OGG1: variants seen among roughly 807,000 people sequenced by gnomAD.
OGG1 encodes 8-oxoguanine DNA glycosylase.
In OGG1, 35 loss-of-function variants were observed where a neutral mutation model predicts 42.3. That is an observed-to-expected ratio of 0.83 (90% CI 0.63 to 1.10). The LOEUF (loss-of-function observed/expected upper bound fraction) is 1.10. OGG1 is among the 50% of genes least tolerant of loss of function. OGG1 has a pLI of 0.00. For synonymous variants in OGG1, 189 were observed against 179.0 expected (o/e 1.06, Z -0.44); for missense variants, 484 against 446.7 (o/e 1.08, Z -0.75).
intron 2 of OGG1, among the ~76,000 whole-genome samples, chr3:9,773,817 G>A (rs982855831): frequency 1.3e-5 from 2 of 151,886 alleles, no homozygotes; most frequent in African/African-American, 2.4e-5. Context: ...CTCAGCCTCC[G>A]GAGTAGCTGG....
At chr3:9,781,451 G>A (rs1015637602) in intron 2 of OGG1, 3 of 446,578 alleles carry the variant, frequency 6.7e-6, no homozygotes, top group Non-Finnish European at 1.4e-5. Flanking sequence ...CCCACAGTTA[G>A]TGAGGGGGAG....
At chr3:9,789,620 G>A, downstream of OGG1, 6 of 1,613,790 alleles carry the variant, frequency 3.7e-6, no homozygotes, top group East Asian at 2.2e-5. Flanking sequence ...AGAACCTGCA[G>A]GGAGAAGCAG....
intron 4 of OGG1, among the ~76,000 whole-genome samples, 159 bp from the exon 5 acceptor site, chr3:9,756,311 CA>C (rs201763685): frequency 1.3e-5 from 2 of 150,674 alleles, no homozygotes. Flanking sequence ...CAAAAACAAA[CA>C]AAAAAAAAGT....
exon 8 of OGG1, chr3:9,766,638 T>G: frequency 9.5e-7 from 1 of 1,050,862 alleles, no homozygotes; most frequent in Non-Finnish European, 1.2e-6. Context: ...ACAAATAAAC[T>G]CATTTAACTA....
downstream of OGG1, chr3:9,761,441 C>T (rs776102772): frequency 5.9e-5 from 95 of 1,600,108 alleles, no homozygotes; most frequent in Non-Finnish European, 7.3e-5. Context: ...CACAGCCTAC[C>T]ATGGCCAAGC....
chr3:9,760,677 A>G (rs2077817361), downstream of OGG1: 2 of 1,613,978 alleles, frequency 1.2e-6, no homozygotes, highest in African/African-American at 1.3e-5. Flanking sequence ...ATGTCGTCCC[A>G]GTAAGGAGAG....
chr3:9,759,752 T>C, downstream of OGG1: 1 of 1,614,130 alleles, frequency 6.2e-7, no homozygotes, highest in Non-Finnish European at 8.5e-7. Flanking sequence ...AATCTTTGGC[T>C]AAACCCCCAA....
chr3:9,784,884 G>T (rs567522779), intron 3 of OGG1, among the ~76,000 whole-genome samples: 2 of 150,552 alleles, frequency 1.3e-5, no homozygotes, highest in African/African-American at 2.4e-5. Flanking sequence ...AAAAGAAAAA[G>T]AAAAAAAGAA....
chr3:9,775,081 A>T (rs1185159287), intron 2 of OGG1, among the ~76,000 whole-genome samples: 1 of 151,964 alleles, frequency 6.6e-6, no homozygotes, highest in African/African-American at 2.4e-5. Context: ...CTCTACTAAA[A>T]ATACAAAAAT....
Position 9,751,764 on chromosome 3 carries a change from C to A in OGG1, c.386-6C>A. On this transcript the variant is annotated splice_region_variant and splice_polypyrimidine_tract_variant and intron_variant, in intron 2 of 6. Coordinates refer to ENST00000344629, the MANE Select transcript of OGG1 (RefSeq NM_002542.6). ...CTCTCCTACCCCCTGCATTTCTGGT[C>A]TCCAGGTGTGCGACTGCTGCGACAA... 2 of 1,614,152 alleles carry A rather than the reference C, an allele frequency of 1.2e-6. No individual in the cohort carries two copies. The highest frequency in any genetic ancestry group is 1.7e-6 in the Non-Finnish European group (2 of 1,179,984).
At chr3:9,758,871 C>CTG, downstream of OGG1, 1 of 353,548 alleles carries the variant, frequency 2.8e-6, no homozygotes, top group East Asian at 7.2e-5. Flanking sequence ...CTCAGGTGAT[C>CTG]CAACCACCTC....
chr3:9,769,189 T>C (rs1268883245), downstream of OGG1, among the ~76,000 whole-genome samples: 1 of 150,358 alleles, frequency 6.7e-6, no homozygotes, highest in East Asian at 2.0e-4. Flanking sequence ...CTCACCCAGC[T>C]CCCTCTTACA....
downstream of OGG1, among the ~76,000 whole-genome samples, chr3:9,788,898 T>G (rs2125625910): frequency 6.7e-6 from 1 of 149,964 alleles, no homozygotes; most frequent in Non-Finnish European, 1.5e-5. Context: ...TGCAGTGGCG[T>G]GATCTCGGCT....
At chr3:9,768,090 C>A (rs1332150957), downstream of OGG1, among the ~76,000 whole-genome samples, 1 of 152,162 alleles carries the variant, frequency 6.6e-6, no homozygotes, top group Non-Finnish European at 1.5e-5. Context: ...ACCCTGACTT[C>A]TGGCAGTACA....
intron 2 of OGG1, among the ~76,000 whole-genome samples, chr3:9,771,810 C>CTTTT (rs5846644): frequency 6.0e-5 from 4 of 66,710 alleles, no homozygotes; most frequent in African/African-American, 1.3e-4. Context: ...TGTACAACTT[C>CTTTT]TTTTTTTTTT....
At chr3:9,769,929 CCG>C (rs1323971091), downstream of OGG1, 6 of 152,388 alleles carry the variant, frequency 3.9e-5, no homozygotes, top group Non-Finnish European at 7.3e-5. Flanking sequence ...GGCCACCCGC[CCG>C]CGCTCTTGCT....
At chr3:9,761,049 G>T, downstream of OGG1, 3 of 420,632 alleles carry the variant, frequency 7.1e-6, no homozygotes, top group Non-Finnish European at 1.3e-5. Flanking sequence ...CTCACCACTC[G>T]GTCATCACCT....
chr3:9,763,169 C>A, intron 7 of OGG1: 1 of 1,614,090 alleles, frequency 6.2e-7, no homozygotes, highest in Non-Finnish European at 8.5e-7. Context: ...GTGGCCCCCA[C>A]TCTCATAGAT....
downstream of OGG1, among the ~76,000 whole-genome samples, chr3:9,771,566 G>A (rs1329996105): frequency 6.6e-6 from 1 of 152,162 alleles, no homozygotes; most frequent in Non-Finnish European, 1.5e-5. Context: ...GACTCAGAGA[G>A]AGGACTTGAT....
Sources: gnomAD v4.1 joint callset for allele counts (sites outside exome capture counted in the v4.1 genomes callset) on GRCh38, gnomAD v4.1.1 for gene constraint, MANE v1.5 for transcripts, NCBI Gene and HGNC (gene_info 2026-07-23, HGNC 2026-07-21) for gene names.